Variants in CSMD1 observed in about 807,000 individuals in gnomAD.
The protein encoded by CSMD1 is CUB and sushi domain-containing protein 1.
Under a neutral mutation model 417.5 loss-of-function variants are expected in CSMD1, and 213 were observed. The observed-to-expected ratio is 0.51, with a 90% CI of 0.46 to 0.57. The LOEUF (loss-of-function observed/expected upper bound fraction) is 0.57, where lower values mean the gene tolerates loss of function less well. Among genes scored for constraint, CSMD1 ranks in the 20% least tolerant of loss-of-function variants. CSMD1 has a pLI of 0.00. For missense variants in CSMD1, 6,923 were observed against 4,529.7 expected, an observed-to-expected ratio of 1.53 and a Z score of -15.17; for synonymous variants, 2,862 against 1,736.8, an observed-to-expected ratio of 1.65 and a Z score of -16.11.
At chr8:3,363,249 T>C (rs1208265438) in intron 20 of CSMD1, among the ~76,000 whole-genome samples, 1 of 152,198 alleles carries the variant, frequency 6.6e-6, no homozygotes, top group Non-Finnish European at 1.5e-5. Context: ...TACTCTCCTC[T>C]GTCCCAGGTA....
At position 3,469,443 on chromosome 8, in the gene CSMD1, A is replaced by C. The variant is rs1457247222; in HGVS notation, c.1449-619T>G. Among the ~76,000 whole-genome samples the C allele has an allele frequency of 2.0e-5, 3 of 152,180 alleles. No homozygotes were observed. In the East Asian group the frequency reaches 5.8e-4, roughly 29 times the overall value. On this transcript the variant is annotated intron_variant, in intron 11 of 69. Coordinates refer to ENST00000635120, the MANE Select transcript of CSMD1 (RefSeq NM_033225.6). ...TATTGAACACTCCCCCCGCATATTA[A>C]TGTCTGGGTCACACCAAATGTGAGT...
At chr8:3,719,402 C>T (rs1048542954) in intron 6 of CSMD1, among the ~76,000 whole-genome samples, 2 of 152,240 alleles carry the variant, frequency 1.3e-5, no homozygotes, top group African/African-American at 2.4e-5. Context: ...GAATTAACTA[C>T]CCTAAAAGTC....
Position 3,599,590 on chromosome 8 carries a change from A to G in CSMD1, c.1098-13330T>C, listed in dbSNP as rs139940151. The stretch of plus-strand genomic sequence containing the variant: ...ACAACACTGCATTATTAATCACAAT[A>G]CAGCATTGTTAATTAACCACTTCAT... On this transcript the variant is annotated intron_variant, in intron 8 of 69. Coordinates refer to ENST00000635120, the MANE Select transcript of CSMD1 (RefSeq NM_033225.6). Among the ~76,000 whole-genome samples the G allele has an allele frequency of 9.6e-4, 146 of 152,322 alleles. 1 individual carries two copies. In the East Asian group the frequency reaches 0.02, roughly 21 times the overall value.
intron 3 of CSMD1, among the ~76,000 whole-genome samples, chr8:4,282,970 C>T (rs890438327): frequency 6.6e-6 from 1 of 152,066 alleles, no homozygotes; most frequent in African/African-American, 2.4e-5. Flanking sequence ...CTCATATATT[C>T]TTACTATTTC....
chr8:3,237,811 ATACTTATACTACAAG>A lies in CSMD1; in HGVS notation c.4154-7595_4154-7581del, dbSNP rs1799249517. 1.9e-5 allele frequency among the ~76,000 whole-genome samples: 2 copies of A among 106,884 alleles called. 1 individual carries two copies. The highest frequency in any genetic ancestry group is 6.7e-5 in the African/African-American group (2 of 29,888). 70.1% of individuals were successfully genotyped at this position (106,884 alleles called of 152,430 possible). The stretch of plus-strand genomic sequence containing the variant: ...TACTACAAGTATAATTTTTATAATT[ATACTTATACTACAAG>A]TATAATTTTTATAATTATACTTATA... On this transcript the variant is annotated intron_variant, in intron 26 of 69. Coordinates refer to ENST00000635120, the MANE Select transcript of CSMD1 (RefSeq NM_033225.6).
chr8:4,807,262 T>A (rs1474013702), intron 1 of CSMD1, among the ~76,000 whole-genome samples: 2 of 152,160 alleles, frequency 1.3e-5, no homozygotes, highest in Non-Finnish European at 2.9e-5. Context: ...GCAAACCTTA[T>A]TTCCCAGCCA....
At chr8:3,665,670 C>G (rs1334425901) in intron 7 of CSMD1, among the ~76,000 whole-genome samples, 2 of 152,124 alleles carry the variant, frequency 1.3e-5, no homozygotes, top group South Asian at 2.1e-4. Flanking sequence ...ATGGGACAAA[C>G]AGAAAGATAA....
At chr8:3,207,702 C>G (rs1017323731) in intron 30 of CSMD1, among the ~76,000 whole-genome samples, 6 of 152,104 alleles carry the variant, frequency 3.9e-5, no homozygotes. Flanking sequence ...ACAGCTCAGA[C>G]ATCTGTCAGC....
chr8:4,633,309 C>CAT (rs1419846038), intron 2 of CSMD1, among the ~76,000 whole-genome samples: 5 of 142,496 alleles, frequency 3.5e-5, no homozygotes, highest in East Asian at 2.1e-4. Context: ...TGCAGTGGTG[C>CAT]GATCTCGGCT....
At chr8:3,925,579 G>A (rs184058919) in intron 5 of CSMD1, among the ~76,000 whole-genome samples, 9 of 152,218 alleles carry the variant, frequency 5.9e-5, no homozygotes, top group East Asian at 1.9e-4. Context: ...TAACTGAATC[G>A]TGGAGACCAG....
At chr8:3,364,802 C>A (rs960012362) in intron 20 of CSMD1, among the ~76,000 whole-genome samples, 1 of 152,162 alleles carries the variant, frequency 6.6e-6, no homozygotes, top group Non-Finnish European at 1.5e-5. Context: ...AATTGAGAAA[C>A]AAATTTCTGT....
intron 3 of CSMD1, among the ~76,000 whole-genome samples, chr8:4,386,593 G>A (rs182624687): frequency 2.8e-4 from 42 of 152,330 alleles, no homozygotes; most frequent in Non-Finnish European, 5.0e-4. Flanking sequence ...TGTTACGGCA[G>A]GGCATGCAGT....
chr8:4,303,893 G>C (rs954561379), intron 3 of CSMD1, among the ~76,000 whole-genome samples: 1 of 152,068 alleles, frequency 6.6e-6, no homozygotes, highest in Non-Finnish European at 1.5e-5. Context: ...CTGACCTTGT[G>C]ATCTGCCTGC....
At chr8:3,900,380 C>T (rs1394357825) in intron 5 of CSMD1, among the ~76,000 whole-genome samples, 1 of 148,586 alleles carries the variant, frequency 6.7e-6, no homozygotes, top group African/African-American at 2.5e-5. Context: ...TGTGACAGTG[C>T]AGCTGGGTGA....
intron 2 of CSMD1, among the ~76,000 whole-genome samples, chr8:4,426,525 T>A (rs1797566601): frequency 6.8e-6 from 1 of 147,554 alleles, no homozygotes; most frequent in African/African-American, 2.5e-5. Flanking sequence ...AAGACTGTAG[T>A]ATTTTATACT....
chr8:4,897,227 G>C (rs968006110), intron 1 of CSMD1, among the ~76,000 whole-genome samples: 3 of 151,954 alleles, frequency 2.0e-5, no homozygotes, highest in Non-Finnish European at 4.4e-5. Context: ...CGTCTGTTTT[G>C]TTTCTACTGT....
intron 5 of CSMD1, among the ~76,000 whole-genome samples, chr8:3,917,145 C>CCT (rs1254696182): frequency 6.6e-6 from 1 of 152,146 alleles, no homozygotes; most frequent in African/African-American, 2.4e-5. Flanking sequence ...TGAGTGCTTA[C>CCT]CTGCTGCACA....
chr8:4,518,689 A>G (rs1171473241), intron 2 of CSMD1, among the ~76,000 whole-genome samples: 2 of 152,004 alleles, frequency 1.3e-5, no homozygotes, highest in Non-Finnish European at 2.9e-5. Context: ...ACGGTGCAGC[A>G]CACCAACGTG....
intron 3 of CSMD1, among the ~76,000 whole-genome samples, chr8:4,300,173 AC>A (rs1277670432): frequency 6.6e-6 from 1 of 152,156 alleles, no homozygotes; most frequent in Non-Finnish European, 1.5e-5. Flanking sequence ...AACAAAACAG[AC>A]AATTTCCTTT....
Sources: allele counts gnomAD v4.1 joint callset (sites outside exome capture counted in the v4.1 genomes callset), GRCh38; gene constraint gnomAD v4.1.1; transcripts MANE v1.5; gene names NCBI Gene and HGNC (gene_info 2026-07-23, HGNC 2026-07-21).